PCDHGA7: variants seen among roughly 807,000 people sequenced by gnomAD.
PCDHGA7 encodes protocadherin gamma subfamily A, 7, also known as protocadherin gamma-A7.
PCDHGA7 carries 44 observed loss-of-function variants against 58.3 expected under a neutral mutation model. The ratio of observed to expected loss-of-function variants is 0.75; its 90% CI spans 0.59 to 0.97. The LOEUF (loss-of-function observed/expected upper bound fraction) is 0.97, where lower values mean the gene tolerates loss of function less well. PCDHGA7 is among the 50% of genes least tolerant of loss of function. The probability of loss-of-function intolerance (pLI) is 0.00; values close to 1 mark genes in which losing one functional copy is unlikely to be tolerated. For missense variants in PCDHGA7, 1,266 were observed against 1,188.7 expected, an observed-to-expected ratio of 1.06 and a Z score of -0.96; for synonymous variants, 516 against 504.2, an observed-to-expected ratio of 1.02 and a Z score of -0.31.
At chr5:141,436,327 C>T (rs1384222077) in intron 1 of PCDHGA7, among the ~76,000 whole-genome samples, 1 of 152,098 alleles carries the variant, frequency 6.6e-6, no homozygotes, top group Admixed American at 6.5e-5. Flanking sequence ...ACTGTTAGAC[C>T]ATATCTCAAA....
chr5:141,449,718 G>A (rs2098653155), intron 1 of PCDHGA7, among the ~76,000 whole-genome samples: 2 of 150,760 alleles, frequency 1.3e-5, no homozygotes, highest in Admixed American at 6.6e-5. Flanking sequence ...ATTTTTATAT[G>A]ATATGATTTT....
At chr5:141,395,727 T>G (rs895493332) in intron 1 of PCDHGA7, 1 of 153,998 alleles carries the variant, frequency 6.5e-6, no homozygotes, top group Non-Finnish European at 1.4e-5. Flanking sequence ...TGTAGATTTC[T>G]TCACTTTAAA....
Position 141,432,427 on chromosome 5 carries a change from C to T in PCDHGA7, c.2424+47104C>T, listed in dbSNP as rs775150918. 2.2e-5 allele frequency: 36 copies of T among 1,614,124 alleles called. No homozygotes were observed. The highest frequency in any genetic ancestry group is 3.1e-5 in the Non-Finnish European group (36 of 1,180,044). ...TGAGCCTGTTCGTGCTGGACCAGAA[C>T]GACAATGCGCCCGAGATCCTGTACC... On this transcript the variant is annotated intron_variant, in intron 1 of 3. Transcript: ENST00000518325. This position sits in a 1 kb window ranked among gnomAD's most constrained non-coding sequence, Gnocchi z 6.0.
chr5:141,395,409 T>G, intron 1 of PCDHGA7: 1 of 813,990 alleles, frequency 1.2e-6, no homozygotes, highest in East Asian at 2.8e-5. Context: ...AGTCATAGGT[T>G]ATTGTTTCAT....
intron 1 of PCDHGA7, chr5:141,413,247 C>T (rs1168509242): frequency 1.2e-6 from 2 of 1,613,822 alleles, no homozygotes; most frequent in African/African-American, 2.7e-5. Flanking sequence ...GCCTTTTCTT[C>T]GGGATTCCAT....
At chr5:141,404,791 G>A (rs747844350) in intron 1 of PCDHGA7, 2 of 1,613,932 alleles carry the variant, frequency 1.2e-6, no homozygotes, top group Non-Finnish European at 8.5e-7. Flanking sequence ...AGGCCAGTGA[G>A]CCAGGGCTCT....
intron 1 of PCDHGA7, chr5:141,391,496 G>C (rs1256159469): frequency 6.6e-6 from 1 of 151,988 alleles, no homozygotes; most frequent in Non-Finnish European, 1.5e-5. Flanking sequence ...GTTTTCAGTA[G>C]AGAAAATATT....
At chr5:141,436,829 G>C (rs1194891483) in intron 1 of PCDHGA7, among the ~76,000 whole-genome samples, 3 of 152,214 alleles carry the variant, frequency 2.0e-5, no homozygotes, top group African/African-American at 7.2e-5. Flanking sequence ...AAAATCTTAA[G>C]TGCCTAGGCA....
At chr5:141,404,684 G>GT in intron 1 of PCDHGA7, 1 of 1,614,104 alleles carries the variant, frequency 6.2e-7, no homozygotes, top group Non-Finnish European at 8.5e-7. Flanking sequence ...TGTGGAGCTG[G>GT]CACCCCGCTC....
At chr5:141,440,954 G>A (rs908507291) in intron 1 of PCDHGA7, 9 of 152,184 alleles carry the variant, frequency 5.9e-5, no homozygotes, top group Non-Finnish European at 1.0e-4. Flanking sequence ...GAGTGTCAAG[G>A]CAGAGATCAC....
intron 1 of PCDHGA7, among the ~76,000 whole-genome samples, chr5:141,443,829 A>G (rs1387307023): frequency 6.6e-6 from 1 of 152,228 alleles, no homozygotes; most frequent in Non-Finnish European, 1.5e-5. Flanking sequence ...ATAATTAGGT[A>G]AAATGGGTAA....
intron 1 of PCDHGA7, chr5:141,405,082 G>C: frequency 6.2e-7 from 1 of 1,613,794 alleles, no homozygotes; most frequent in East Asian, 2.2e-5. Context: ...TCGTTATCAC[G>C]CTGCTGGCCC....
At position 141,413,133 on chromosome 5, in the gene PCDHGA7, C is replaced by T. The variant is rs765215473; in HGVS notation, c.2424+27810C>T. The stretch of plus-strand genomic sequence containing the variant: ...CAAAGGAACCGGTTGAAACACACAA[C>T]GTGTCCAGTGAGGACTTTGCAGAAT... On this transcript the variant is annotated intron_variant, in intron 1 of 3. Transcript: ENST00000518325. 1.1e-5 allele frequency: 17 copies of T among 1,542,110 alleles called. No individual in the cohort carries two copies. In the East Asian group the frequency reaches 3.2e-4, roughly 29 times the overall value.
intron 1 of PCDHGA7, among the ~76,000 whole-genome samples, chr5:141,455,460 A>G (rs1175234914): frequency 1.3e-5 from 2 of 152,186 alleles, no homozygotes; most frequent in Non-Finnish European, 2.9e-5. Flanking sequence ...GATACCAGCC[A>G]GGTATATATG....
rs1252377833 is a variant in PCDHGA7, at chr5:141,485,012, G to T, written c.2425-9795G>T. On this transcript the variant is annotated intron_variant, in intron 1 of 3. Coordinates refer to ENST00000518325, the MANE Select transcript of PCDHGA7 (RefSeq NM_018920.4). The surrounding 1 kb of genome is among the most constrained non-coding windows in gnomAD (Gnocchi z 5.7). Reference sequence around the variant, plus strand: ...GGTGAAAGGCAGACAAATCTACCCCGCCACCAGCAAAAACGGCGCGTAACC... The same window carrying T: ...GGTGAAAGGCAGACAAATCTACCCCTCCACCAGCAAAAACGGCGCGTAACC... The T allele has an allele frequency of 1.3e-5, 8 of 630,528 alleles. No individual in the cohort carries two copies. In the Admixed American group the frequency reaches 1.5e-4, roughly 12 times the overall value. 39.1% of individuals were successfully genotyped at this position (630,528 alleles called of 1,614,324 possible).
Position 141,486,697 on chromosome 5 carries a change from C to G in PCDHGA7, c.2425-8110C>G. 1 of 1,614,176 alleles carries G rather than the reference C, an allele frequency of 6.2e-7. No individual in the cohort carries two copies. The highest frequency in any genetic ancestry group is 8.5e-7 in the Non-Finnish European group (1 of 1,180,032). ...GAGATGTATCAGCTTCCTCTTTCATCTCTCTGAACCCCCAGACAGGAGCTG... is the reference window on the plus strand; with the variant it reads ...GAGATGTATCAGCTTCCTCTTTCATGTCTCTGAACCCCCAGACAGGAGCTG... On this transcript the variant is annotated intron_variant, in intron 1 of 3. Coordinates refer to ENST00000518325, the MANE Select transcript of PCDHGA7 (RefSeq NM_018920.4). The surrounding 1 kb of genome is among the most constrained non-coding windows in gnomAD (Gnocchi z 5.0).
At position 141,487,760 on chromosome 5, in the gene PCDHGA7, G is replaced by T; in HGVS notation, c.2425-7047G>T. On this transcript the variant is annotated intron_variant, in intron 1 of 3. Transcript: ENST00000518325. The surrounding 1 kb of genome is among the most constrained non-coding windows in gnomAD (Gnocchi z 5.0). Reference sequence around the variant, plus strand: ...TGTAAGAGGTAACTATGTGGTAGACGCTGTGCTTTGTAACTGTTTCGTGAA... The same window carrying T: ...TGTAAGAGGTAACTATGTGGTAGACTCTGTGCTTTGTAACTGTTTCGTGAA... 1 of 1,545,950 alleles carries T rather than the reference G, an allele frequency of 6.5e-7. No individual in the cohort carries two copies. The highest frequency in any genetic ancestry group is 1.4e-5 in the African/African-American group (1 of 73,162).
chr5:141,392,970 G>A (rs2092639280), intron 1 of PCDHGA7: 1 of 1,613,778 alleles, frequency 6.2e-7, no homozygotes, highest in Non-Finnish European at 8.5e-7. Flanking sequence ...CAAGGACCTG[G>A]GGCTGGACCC....
In PCDHGA7 at chr5:141,485,470, T is replaced by C; in HGVS notation, c.2425-9337T>C. ...ACCGAGAGGCACTGTGTGGGCTCAG[T>C]GCCAGCTGCATCGTGCCCCTGGAGT... On this transcript the variant is annotated intron_variant, in intron 1 of 3. Coordinates refer to ENST00000518325, the MANE Select transcript of PCDHGA7 (RefSeq NM_018920.4). This position sits in a 1 kb window ranked among gnomAD's most constrained non-coding sequence, Gnocchi z 5.7. 1.9e-6 allele frequency: 3 copies of C among 1,614,110 alleles called. No individual in the cohort carries two copies. The highest frequency in any genetic ancestry group is 2.5e-6 in the Non-Finnish European group (3 of 1,180,002).
Sources: allele counts gnomAD v4.1 joint callset (sites outside exome capture counted in the v4.1 genomes callset), GRCh38; gene constraint gnomAD v4.1.1; non-coding constraint Gnocchi (gnomAD v3.1); transcripts MANE v1.5; gene names NCBI Gene and HGNC (gene_info 2026-07-23, HGNC 2026-07-21).